Variants in RANBP2 observed in about 807,000 individuals in gnomAD.
RANBP2 encodes the protein E3 SUMO-protein ligase RanBP2.
RANBP2 carries 57 observed loss-of-function variants against 303.6 expected under a neutral mutation model. The observed-to-expected ratio is 0.19, with a 90% CI of 0.15 to 0.23. The LOEUF (loss-of-function observed/expected upper bound fraction) is 0.23, where lower values mean the gene tolerates loss of function less well. Ranked by LOEUF, RANBP2 falls within the 10% of genes least tolerant of loss-of-function variation. RANBP2 has a pLI of 1.00. For missense variants in RANBP2, 3,138 were observed against 3,780.8 expected (o/e 0.83, Z 4.46); for synonymous variants, 1,167 against 1,301.5 (o/e 0.90, Z 2.23).
chr2:108,841,647 T>A, the RANBP2 span, among the ~76,000 whole-genome samples: 7 of 152,186 alleles, frequency 4.6e-5, no homozygotes, highest in African/African-American at 1.4e-4. Flanking sequence ...TGAGTTTTTT[T>A]AATTAAATAG....
the RANBP2 span, chr2:108,929,529 A>C: frequency 1.2e-5 from 10 of 810,720 alleles, no homozygotes; most frequent in Non-Finnish European, 1.8e-5. Context: ...TAACTGCAAA[A>C]CCCCCCAGGA....
chr2:109,623,219 G>A, the RANBP2 span, among the ~76,000 whole-genome samples: 2 of 152,160 alleles, frequency 1.3e-5, no homozygotes, highest in Non-Finnish European at 2.9e-5. Context: ...CTATTACAAA[G>A]GGTGCTATTT....
the RANBP2 span, among the ~76,000 whole-genome samples, chr2:109,251,912 G>A: frequency 6.6e-6 from 1 of 152,068 alleles, no homozygotes; most frequent in East Asian, 1.9e-4. Flanking sequence ...TCAACCTTAT[G>A]TTCTTAAATC....
chr2:109,479,520 C>G, the RANBP2 span, among the ~76,000 whole-genome samples: 1 of 152,082 alleles, frequency 6.6e-6, no homozygotes, highest in Non-Finnish European at 1.5e-5. Flanking sequence ...TATCTGTTCT[C>G]CCTGGGGTGT....
the RANBP2 span, among the ~76,000 whole-genome samples, chr2:109,172,661 A>T: frequency 2.0e-5 from 3 of 152,158 alleles, no homozygotes; most frequent in African/African-American, 7.2e-5. Context: ...ATTGTTTGGG[A>T]TCTGATACTG....
the RANBP2 span, among the ~76,000 whole-genome samples, chr2:109,381,231 T>C: frequency 6.6e-6 from 1 of 152,234 alleles, no homozygotes; most frequent in African/African-American, 2.4e-5. Context: ...AGCAGGCTGC[T>C]GGAGCGTCTG....
At chr2:109,175,774 A>G in the RANBP2 span, among the ~76,000 whole-genome samples, 4 of 152,356 alleles carry the variant, frequency 2.6e-5, no homozygotes, top group South Asian at 2.1e-4. Flanking sequence ...ATTGGCTTCA[A>G]AGAGAGTCTA....
At chr2:109,566,130 TA>T in the RANBP2 span, among the ~76,000 whole-genome samples, 1 of 152,164 alleles carries the variant, frequency 6.6e-6, no homozygotes, top group East Asian at 1.9e-4. Context: ...TATTTATTTT[TA>T]TTTTTTTGAG....
chr2:108,749,372 A>G (rs1402636503), intron 9 of RANBP2, among the ~76,000 whole-genome samples: 1 of 152,026 alleles, frequency 6.6e-6, no homozygotes, highest in Non-Finnish European at 1.5e-5. Flanking sequence ...ATCTCGGCTC[A>G]CTGTAACCTC....
chr2:109,466,593 A>G, the RANBP2 span, among the ~76,000 whole-genome samples: 1 of 152,044 alleles, frequency 6.6e-6, no homozygotes, highest in Non-Finnish European at 1.5e-5. Flanking sequence ...ATGGAGCCCA[A>G]TTTATTAACT....
At chr2:109,101,371 C>G in the RANBP2 span, among the ~76,000 whole-genome samples, 1 of 151,856 alleles carries the variant, frequency 6.6e-6, no homozygotes, top group Non-Finnish European at 1.5e-5. Context: ...ACTGAAAATA[C>G]AAAAAATCAG....
chr2:109,559,445 C>T, the RANBP2 span, among the ~76,000 whole-genome samples: 2 of 152,176 alleles, frequency 1.3e-5, no homozygotes, highest in Non-Finnish European at 2.9e-5. Context: ...TGCTCCCACC[C>T]AGTCCGTAGC....
At chr2:109,383,251 C>T in the RANBP2 span, among the ~76,000 whole-genome samples, 3 of 152,226 alleles carry the variant, frequency 2.0e-5, no homozygotes, top group Non-Finnish European at 4.4e-5. Context: ...ATGTTTGGTA[C>T]AGAAGAAACC....
the RANBP2 span, among the ~76,000 whole-genome samples, chr2:108,984,439 G>A: frequency 9.9e-5 from 15 of 152,150 alleles, no homozygotes; most frequent in East Asian, 2.1e-3. Flanking sequence ...CCCTTGCCAC[G>A]GCCCGCTCAG....
At chr2:108,952,688 C>T in the RANBP2 span, among the ~76,000 whole-genome samples, 4 of 152,152 alleles carry the variant, frequency 2.6e-5, no homozygotes, top group Non-Finnish European at 4.4e-5. Context: ...TTCCAACATC[C>T]GGATTATCCT....
the RANBP2 span, among the ~76,000 whole-genome samples, chr2:109,118,010 C>T: frequency 6.6e-6 from 1 of 152,122 alleles, no homozygotes; most frequent in African/African-American, 2.4e-5. Flanking sequence ...CAGGGTTGCG[C>T]CACCCTGGTG....
At chr2:109,525,396 T>A in the RANBP2 span, among the ~76,000 whole-genome samples, 1 of 152,164 alleles carries the variant, frequency 6.6e-6, no homozygotes, top group Admixed American at 6.5e-5. Context: ...ACTCCTGACC[T>A]CAAATGATCT....
chr2:109,468,602 C>G, the RANBP2 span, among the ~76,000 whole-genome samples: 219 of 152,116 alleles, frequency 1.4e-3, 1 homozygote, highest in African/African-American at 5.2e-3. Flanking sequence ...GCCTGTAATC[C>G]CAGCACTTTG....
the RANBP2 span, among the ~76,000 whole-genome samples, chr2:109,379,807 G>T: frequency 1.3e-5 from 2 of 152,044 alleles, no homozygotes; most frequent in Admixed American, 6.5e-5. Context: ...AGAACACTGG[G>T]CAGGAAAGCC....
Sources: allele counts gnomAD v4.1 joint callset (sites outside exome capture counted in the v4.1 genomes callset), GRCh38; gene constraint gnomAD v4.1.1; transcripts MANE v1.5; gene names NCBI Gene and HGNC (gene_info 2026-07-23, HGNC 2026-07-21).